WDR72: variants seen among roughly 807,000 people sequenced by gnomAD.
The protein encoded by WDR72 is WD repeat domain 72, also known as WD repeat-containing protein 72.
Under a neutral mutation model 124.2 loss-of-function variants are expected in WDR72, and 120 were observed. That is an observed-to-expected ratio of 0.97 (90% CI 0.83 to 1.12). The LOEUF is 1.12. Ranked by LOEUF, WDR72 falls within the 50% of genes most tolerant of loss-of-function variation. WDR72 has a pLI of 0.00. For missense variants in WDR72, 1,387 were observed against 1,278.8 expected (o/e 1.08, Z -1.29); for synonymous variants, 452 against 441.7 (o/e 1.02, Z -0.29).
intron 14 of WDR72, among the ~76,000 whole-genome samples, chr15:53,644,699 C>A (rs1002398191): frequency 6.6e-6 from 1 of 151,948 alleles, no homozygotes; most frequent in Non-Finnish European, 1.5e-5. Context: ...TCTCTGAGAC[C>A]TAGGTTGCTG....
chr15:53,617,568 TTAATA>T (rs1375317173), intron 14 of WDR72, among the ~76,000 whole-genome samples: 3 of 151,502 alleles, frequency 2.0e-5, no homozygotes, highest in East Asian at 3.9e-4. Flanking sequence ...CAAATAAGGG[TTAATA>T]TAATTATTAA....
At chr15:53,552,667 G>T (rs17630899) in intron 18 of WDR72, among the ~76,000 whole-genome samples, 1 of 152,004 alleles carries the variant, frequency 6.6e-6, no homozygotes. Context: ...ATAATGAAGT[G>T]GCTTAAAAAA....
At chr15:53,590,222 C>A (rs1906437) in intron 18 of WDR72, among the ~76,000 whole-genome samples, 6 of 151,800 alleles carry the variant, frequency 4.0e-5, no homozygotes, top group Admixed American at 3.9e-4. Context: ...TACCCCCAAC[C>A]CTTATTCCTT....
chr15:53,625,997 CA>C (rs1282398099), intron 14 of WDR72, among the ~76,000 whole-genome samples: 22 of 152,292 alleles, frequency 1.4e-4, no homozygotes, highest in African/African-American at 5.3e-4. Context: ...TACTTTCTAG[CA>C]ACATGTTCTG....
intron 2 of WDR72, among the ~76,000 whole-genome samples, chr15:53,724,539 G>A (rs1467399285): frequency 2.6e-5 from 4 of 152,140 alleles, no homozygotes; most frequent in Non-Finnish European, 2.9e-5. Flanking sequence ...TCATGGCAGA[G>A]CAGGAGACAG....
At chr15:53,570,788 A>G (rs1191282049) in intron 18 of WDR72, among the ~76,000 whole-genome samples, 1 of 152,152 alleles carries the variant, frequency 6.6e-6, no homozygotes, top group East Asian at 1.9e-4. Context: ...ACTCATGTTT[A>G]TCACAGCACT....
chr15:53,709,194 A>G (rs1045881555), intron 9 of WDR72, among the ~76,000 whole-genome samples: 1 of 152,228 alleles, frequency 6.6e-6, no homozygotes, highest in African/African-American at 2.4e-5. Flanking sequence ...TTTAGTGAAC[A>G]CTAGTGATGT....
chr15:53,519,297 G>C (rs1424150067), intron 19 of WDR72, among the ~76,000 whole-genome samples: 1 of 152,002 alleles, frequency 6.6e-6, no homozygotes, highest in Non-Finnish European at 1.5e-5. Context: ...CCAGCAAAAG[G>C]CTCCACTGAA....
intron 9 of WDR72, among the ~76,000 whole-genome samples, chr15:53,706,373 T>TATATATATATATATATATATATAC (rs2017374673): frequency 5.9e-5 from 4 of 67,336 alleles, no homozygotes; most frequent in African/African-American, 2.4e-4. Context: ...TATATATATA[T>TATATATATATATATATATATATAC]ATATATATAT....
chr15:53,659,578 T>C (rs997168121), intron 14 of WDR72, among the ~76,000 whole-genome samples: 12 of 152,158 alleles, frequency 7.9e-5, no homozygotes, highest in Non-Finnish European at 5.9e-5. Context: ...TAAATTAGTT[T>C]TGAAACGAAG....
chr15:53,580,686 C>G (rs192461822), intron 18 of WDR72, among the ~76,000 whole-genome samples: 1 of 151,850 alleles, frequency 6.6e-6, no homozygotes, highest in African/African-American at 2.4e-5. Context: ...AAGACAACAG[C>G]TCACGTTACC....
intron 14 of WDR72, among the ~76,000 whole-genome samples, chr15:53,661,771 A>G (rs1437618708): frequency 6.6e-6 from 1 of 152,180 alleles, no homozygotes; most frequent in Non-Finnish European, 1.5e-5. Flanking sequence ...TTTAACATGT[A>G]GTACTAACCA....
At chr15:53,708,280 C>T (rs2017440187) in intron 9 of WDR72, among the ~76,000 whole-genome samples, 1 of 152,140 alleles carries the variant, frequency 6.6e-6, no homozygotes, top group East Asian at 1.9e-4. Flanking sequence ...CTGGCTTTAC[C>T]ACATCCTAGC....
chr15:53,677,821 TATC>T (rs548316427), intron 13 of WDR72, among the ~76,000 whole-genome samples: 14 of 152,158 alleles, frequency 9.2e-5, no homozygotes, highest in Non-Finnish European at 1.5e-4. Context: ...TCCTCTTCTT[TATC>T]ATCATCATCA....
chr15:53,606,006 G>A (rs1855474738), intron 17 of WDR72, among the ~76,000 whole-genome samples: 1 of 152,062 alleles, frequency 6.6e-6, no homozygotes, highest in African/African-American at 2.4e-5. Flanking sequence ...TCATGCATCA[G>A]GCCAGTAGCA....
intron 16 of WDR72, among the ~76,000 whole-genome samples, chr15:53,609,808 T>C (rs570374185): frequency 1.3e-5 from 2 of 151,424 alleles, no homozygotes; most frequent in African/African-American, 2.4e-5. Flanking sequence ...GATTTACATA[T>C]ACAGCCAGGG....
chr15:53,650,610 CT>C (rs1430907573), intron 14 of WDR72, among the ~76,000 whole-genome samples: 1 of 152,124 alleles, frequency 6.6e-6, no homozygotes, highest in Non-Finnish European at 1.5e-5. Flanking sequence ...TTTGGACCTG[CT>C]GTTCCTTATG....
chr15:53,594,230 G>A (rs2012653526), intron 18 of WDR72, among the ~76,000 whole-genome samples: 1 of 151,778 alleles, frequency 6.6e-6, no homozygotes, highest in Admixed American at 6.6e-5. Context: ...TTGAGTATCT[G>A]TGTATAGCAA....
chr15:53,742,351 T>C lies in WDR72; in HGVS notation c.-12-9190A>G, dbSNP rs765665870. Among the ~76,000 whole-genome samples, 64 of 152,300 alleles carry C rather than the reference T, an allele frequency of 4.2e-4. 1 individual carries two copies. The highest frequency in any genetic ancestry group is 8.5e-4 in the Non-Finnish European group (58 of 68,028). ...ATCTCTGTGGTGCGGAGGAGAAAGT[T>C]ATGTTCCTGACAGAAGTACACCTGT... is the stretch of plus-strand genomic sequence containing the variant. On this transcript the variant is annotated intron_variant, in intron 1 of 19. Transcript: ENST00000360509.
Sources: gnomAD v4.1 joint callset for allele counts (sites outside exome capture counted in the v4.1 genomes callset) on GRCh38, gnomAD v4.1.1 for gene constraint, MANE v1.5 for transcripts, NCBI Gene and HGNC (gene_info 2026-07-23, HGNC 2026-07-21) for gene names.